GRIK2: variants seen among roughly 807,000 people sequenced by gnomAD.
The protein encoded by GRIK2 is glutamate ionotropic receptor kainate type subunit 2.
A neutral mutation model predicts 100.3 loss-of-function variants in GRIK2; 32 were observed. The ratio of observed to expected loss-of-function variants is 0.32; its 90% CI spans 0.24 to 0.43. GRIK2 has a LOEUF of 0.43. Ranked by LOEUF, GRIK2 falls within the 20% of genes least tolerant of loss-of-function variation. The pLI is 1.00. For missense variants in GRIK2, 843 were observed against 1,114.9 expected (o/e 0.76, Z 3.47); for synonymous variants, 417 against 389.4 (o/e 1.07, Z -0.83).
chr6:101,527,654 G>A (rs938615873), intron 2 of GRIK2, among the ~76,000 whole-genome samples: 18 of 152,194 alleles, frequency 1.2e-4, no homozygotes, highest in Admixed American at 5.2e-4. Context: ...GCTGTGCACA[G>A]TGGTTTTTCT....
At chr6:101,646,602 A>G (rs1781537419) in intron 4 of GRIK2, among the ~76,000 whole-genome samples, 3 of 152,024 alleles carry the variant, frequency 2.0e-5, no homozygotes, top group African/African-American at 7.2e-5. Context: ...AGAATAACAT[A>G]TTAAATTGCT....
chr6:101,909,500 T>C (rs1044385986), intron 12 of GRIK2, among the ~76,000 whole-genome samples: 6 of 149,918 alleles, frequency 4.0e-5, no homozygotes, highest in Non-Finnish European at 6.0e-5. Flanking sequence ...GATGAAAAAA[T>C]ATTTTGAGAA....
chr6:101,856,000 T>C (rs1195889172), intron 10 of GRIK2, among the ~76,000 whole-genome samples: 1 of 152,202 alleles, frequency 6.6e-6, no homozygotes, highest in Non-Finnish European at 1.5e-5. Flanking sequence ...AATTTGAGAA[T>C]GATTGCCTGG....
chr6:101,690,009 CT>C (rs1771979353), intron 7 of GRIK2, among the ~76,000 whole-genome samples: 1 of 152,092 alleles, frequency 6.6e-6, no homozygotes, highest in Admixed American at 6.6e-5. Context: ...TGAGAATTCA[CT>C]TTTGAACCAG....
intron 2 of GRIK2, among the ~76,000 whole-genome samples, chr6:101,616,027 C>G (rs1280676157): frequency 6.6e-6 from 1 of 151,594 alleles, no homozygotes; most frequent in Non-Finnish European, 1.5e-5. Flanking sequence ...ATAAGGTGTC[C>G]TCCTCCCCTA....
chr6:101,763,952 T>C lies in GRIK2; in HGVS notation c.952-35696T>C, dbSNP rs1420403657. 2.0e-5 allele frequency among the ~76,000 whole-genome samples: 3 copies of C among 152,276 alleles called. No individual in the cohort carries two copies. In the East Asian group the frequency reaches 5.8e-4, roughly 29 times the overall value. On this transcript the variant is annotated intron_variant, in intron 7 of 16. Coordinates refer to ENST00000369134, the MANE Select transcript of GRIK2 (RefSeq NM_021956.5). ...TCTAAGAACAAAAACCACTTGAATG[T>C]ATTATCTGATTTGACAAGAAAAGAG...
chr6:102,030,391 A>G (rs942966638), intron 14 of GRIK2, among the ~76,000 whole-genome samples: 3 of 151,094 alleles, frequency 2.0e-5, no homozygotes, highest in African/African-American at 7.3e-5. Context: ...GCTCATCTTC[A>G]GGGTTGTACT....
At chr6:101,673,909 T>G (rs1399067608) in intron 4 of GRIK2, among the ~76,000 whole-genome samples, 1 of 152,188 alleles carries the variant, frequency 6.6e-6, no homozygotes, top group Non-Finnish European at 1.5e-5. Flanking sequence ...AAAAGACACT[T>G]CTCAGAATTG....
chr6:101,602,084 T>C (rs1779241955), intron 2 of GRIK2, among the ~76,000 whole-genome samples: 1 of 151,806 alleles, frequency 6.6e-6, no homozygotes, highest in Admixed American at 6.6e-5. Context: ...GTCTTAACTC[T>C]GTTTTTCTGC....
At chr6:101,934,721 C>A (rs1382642073) in intron 14 of GRIK2, among the ~76,000 whole-genome samples, 1 of 151,816 alleles carries the variant, frequency 6.6e-6, no homozygotes, top group Admixed American at 6.6e-5. Flanking sequence ...TTATTTAGAG[C>A]AATGGTGGTA....
chr6:101,905,352 A>G (rs1009077888), intron 12 of GRIK2, among the ~76,000 whole-genome samples: 5 of 151,584 alleles, frequency 3.3e-5, no homozygotes, highest in African/African-American at 1.2e-4. Context: ...CCTTTTATAC[A>G]ATTTCATTTA....
chr6:101,630,880 ATATT>A (rs946625198), intron 4 of GRIK2, among the ~76,000 whole-genome samples: 3 of 151,534 alleles, frequency 2.0e-5, no homozygotes, highest in Admixed American at 6.6e-5. Context: ...TTTCCTTTCC[ATATT>A]TATTTATTAT....
At chr6:101,838,577 C>T (rs1392272835) in intron 10 of GRIK2, among the ~76,000 whole-genome samples, 1 of 152,078 alleles carries the variant, frequency 6.6e-6, no homozygotes, top group African/African-American at 2.4e-5. Flanking sequence ...GCAATTTTTC[C>T]ATTTCAAGAG....
rs116002663 is a variant in GRIK2 at position 101,540,347 on chromosome 6, T to C, written c.116-81602T>C. Among the ~76,000 whole-genome samples, 1,054 of 151,966 alleles carry C rather than the reference T, an allele frequency of 6.9e-3. 15 individuals are homozygous for C. Among genetic ancestry groups the C allele is most frequent in the African/African-American group, 0.024 (1,005 of 41,524 alleles). The stretch of plus-strand genomic sequence containing the variant: ...CCTAGTACTTGATGGCACAATAGGG[T>C]GCCCATAGTCAATGATAATTTATAC... On this transcript the variant is annotated intron_variant, in intron 2 of 16. Coordinates refer to ENST00000369134, the MANE Select transcript of GRIK2 (RefSeq NM_021956.5).
chr6:102,035,974 A>AATGGCTCTCATGAATATT (rs1205686253), intron 15 of GRIK2, among the ~76,000 whole-genome samples: 2 of 151,366 alleles, frequency 1.3e-5, no homozygotes, highest in Non-Finnish European at 3.0e-5. Context: ...GTGAGGCATA[A>AATGGCTCTCATGAATATT]ATGGCTCTCA....
At chr6:101,824,588 T>C (rs1782193940) in intron 10 of GRIK2, among the ~76,000 whole-genome samples, 1 of 152,188 alleles carries the variant, frequency 6.6e-6, no homozygotes, top group African/African-American at 2.4e-5. Context: ...TAGTAGCATT[T>C]AAATGCTACT....
intron 2 of GRIK2, among the ~76,000 whole-genome samples, chr6:101,585,514 T>C (rs936602105): frequency 6.6e-6 from 1 of 152,104 alleles, no homozygotes; most frequent in Non-Finnish European, 1.5e-5. Flanking sequence ...CTCAAGAGGA[T>C]ACAATACAAA....
chr6:101,697,470 G>A (rs1772577416), intron 7 of GRIK2, among the ~76,000 whole-genome samples: 2 of 122,346 alleles, frequency 1.6e-5, no homozygotes, highest in African/African-American at 5.3e-5. Context: ...CAATTACAAT[G>A]ATTTAAAATG....
chr6:101,610,579 G>A (rs114627545), intron 2 of GRIK2, among the ~76,000 whole-genome samples: 2,282 of 151,910 alleles, frequency 0.015, 62 homozygotes, highest in African/African-American at 0.052. Flanking sequence ...AACCAGATCT[G>A]AAATTCAGAA....
Sources: gnomAD v4.1 joint callset for allele counts (sites outside exome capture counted in the v4.1 genomes callset) on GRCh38, gnomAD v4.1.1 for gene constraint, MANE v1.5 for transcripts, NCBI Gene and HGNC (gene_info 2026-07-23, HGNC 2026-07-21) for gene names.